ISG20: variants seen among roughly 807,000 people sequenced by gnomAD.
The protein encoded by ISG20 is interferon stimulated exonuclease gene 20.
A neutral mutation model predicts 11.1 loss-of-function variants in ISG20; 8 were observed. The ratio of observed to expected loss-of-function variants is 0.72; its 90% confidence interval spans 0.42 to 1.30. The LOEUF (loss-of-function observed/expected upper bound fraction) is 1.30. Ranked by LOEUF, ISG20 falls within the 50% of genes most tolerant of loss-of-function variation. ISG20 has a pLI of 0.01. For missense variants in ISG20, 243 were observed against 250.2 expected (o/e 0.97, Z 0.19); for synonymous variants, 110 against 101.7 (o/e 1.08, Z -0.49).
chr15:88,646,518 A>G (rs1019091461), intron 2 of ISG20, among the ~76,000 whole-genome samples: 2 of 152,218 alleles, frequency 1.3e-5, no homozygotes, highest in Admixed American at 1.3e-4. Flanking sequence ...AATGTGGCCC[A>G]GTAATGGTCA....
In ISG20 at chr15:88,655,519, T is replaced by C; in HGVS notation, c.534T>C (p.Ala178=). The change falls in exon 4 of 4, where the codon GCT becomes GCC. Residue 178 remains alanine, a synonymous_variant. Coordinates refer to ENST00000306072, the MANE Select transcript of ISG20 (RefSeq NM_002201.6). Reference sequence around the variant, plus strand: ...CCCGCCGAGGGCTGCCCCGCCTGGCTGTGTCAGACTGAAGCCCCATCCAGC... The same window carrying C: ...CCCGCCGAGGGCTGCCCCGCCTGGCCGTGTCAGACTGAAGCCCCATCCAGC... ...IRARRGLPRL[A]VSD The C allele has an allele frequency of 6.2e-7, 1 of 1,613,680 alleles. No homozygotes were observed.
intron 2 of ISG20, among the ~76,000 whole-genome samples, chr15:88,641,741 C>T (rs1266985020): frequency 6.6e-6 from 1 of 152,116 alleles, no homozygotes; most frequent in Non-Finnish European, 1.5e-5. Flanking sequence ...AAGTGATTCT[C>T]CTGCCTCAGC....
rs1379905856 is a variant in ISG20 at position 88,643,324 on chromosome 15, G to C, written c.228+3730G>C. 6.6e-6 allele frequency among the ~76,000 whole-genome samples: 1 copy of C among 152,128 alleles called. No individual in the cohort carries two copies. The highest frequency in any genetic ancestry group is 2.4e-5 in the African/African-American group (1 of 41,412). ...TTACCTGTTGAAATGATAGTATTTT[G>C]GATATGTTAGGTTAAATAAAACGTT... On this transcript the variant is annotated intron_variant, in intron 2 of 3. Transcript: ENST00000306072. This position sits in a 1 kb window ranked among gnomAD's most constrained non-coding sequence, Gnocchi z 4.4.
At chr15:88,635,949 C>CCACA (rs1467050702), upstream of ISG20, among the ~76,000 whole-genome samples, 22 of 152,158 alleles carry the variant, frequency 1.4e-4, no homozygotes, top group Non-Finnish European at 1.5e-5. Context: ...AGTTCAAGCC[C>CCACA]ATGTTGTTCA....
intron 2 of ISG20, chr15:88,651,825 C>T (rs2058279078): frequency 1.6e-5 from 21 of 1,276,770 alleles, no homozygotes; most frequent in African/African-American, 3.0e-5. Context: ...TTGAGGCACG[C>T]TTGGCACCTG....
upstream of ISG20, among the ~76,000 whole-genome samples, chr15:88,638,536 G>A (rs1401295784): frequency 2.6e-5 from 4 of 152,268 alleles, no homozygotes; most frequent in East Asian, 3.9e-4. Context: ...GGAAGTGGGG[G>A]CTAGCCACTC....
At chr15:88,651,394 C>A in intron 2 of ISG20, 1 of 662,398 alleles carries the variant, frequency 1.5e-6, no homozygotes, top group Non-Finnish European at 1.9e-6. Context: ...CAGCGTGGGT[C>A]TCACTGGTCT....
At position 88,639,255 on chromosome 15, in the gene ISG20, G is replaced by T; in HGVS notation, c.-24-88G>T. ...GGTGTCGGAAACAAAGGGCAGGGCG[G>T]AGGGTAAGGCCAGCTGGGGTTGGCT... is the stretch of plus-strand genomic sequence containing the variant. On this transcript the variant is annotated intron_variant, in intron 1 of 3. Transcript: ENST00000306072. The surrounding 1 kb of genome is among the most constrained non-coding windows in gnomAD (Gnocchi z 4.2). 1 of 763,598 alleles carries T rather than the reference G, an allele frequency of 1.3e-6. No homozygotes were observed. Among genetic ancestry groups the T allele is most frequent in the Admixed American group, 2.8e-5 (1 of 35,736 alleles). The allele number at this position is 763,598 out of a possible 1,614,324, so 47.3% of individuals were successfully genotyped here.
chr15:88,638,418 C>T (rs1399522074), upstream of ISG20, among the ~76,000 whole-genome samples: 4 of 152,210 alleles, frequency 2.6e-5, no homozygotes, highest in Admixed American at 6.5e-5. Flanking sequence ...GCCTGCTTCT[C>T]CTTCACCCTC....
chr15:88,651,403 C>A (rs2058271183), intron 2 of ISG20: 1 of 611,734 alleles, frequency 1.6e-6, no homozygotes. Flanking sequence ...TCTCACTGGT[C>A]TAAAATCAAA....
chr15:88,643,290 T>C lies in ISG20; in HGVS notation c.228+3696T>C, dbSNP rs8027775. 0.44 allele frequency among the ~76,000 whole-genome samples: 67,518 copies of C among 152,028 alleles called. 15,374 individuals carry two copies. The highest frequency in any genetic ancestry group is 0.48 in the Non-Finnish European group (32,800 of 67,954). On this transcript the variant is annotated intron_variant, in intron 2 of 3. Transcript: ENST00000306072. This position sits in a 1 kb window ranked among gnomAD's most constrained non-coding sequence, Gnocchi z 4.4. ...GAGCCATAAAATGTCTCAATAACTT[T>C]TATATTGATTACCTGTTGAAATGAT... is the stretch of plus-strand genomic sequence containing the variant.
intron 3 of ISG20, among the ~76,000 whole-genome samples, chr15:88,654,795 G>A (rs1348029868): frequency 6.6e-6 from 1 of 152,142 alleles, no homozygotes; most frequent in African/African-American, 2.4e-5. Flanking sequence ...TCCCTTGAAT[G>A]GACCGAGGGC....
At chr15:88,652,551 T>A (rs192797228) in intron 3 of ISG20, among the ~76,000 whole-genome samples, 2,281 of 10,282 alleles carry the variant, frequency 0.22, 560 homozygotes, top group Middle Eastern at 0.4. Context: ...CCCTTTGCCC[T>A]CCTCCCCTTC....
In ISG20 at chr15:88,639,461, A is replaced by T. The variant is rs558554632; in HGVS notation, c.95A>T (p.Asn32Ile). ...GGCCTGGCTCGTTGCAGCCTCGTGA[A>T]CGTCCACGGTGCTGTGCTGTACGAC... The part of the protein sequence containing the change: ...ESGLARCSLV[N>I]VHGAVLYDKF... Residue 32 changes from asparagine to isoleucine, a missense_variant, in exon 2 of 4, where the codon AAC becomes ATC. Asn to Ile is a moderately radical substitution (Grantham distance 149). Coordinates refer to ENST00000306072, the MANE Select transcript of ISG20 (RefSeq NM_002201.6). This position sits in a 1 kb window ranked among gnomAD's most constrained non-coding sequence, Gnocchi z 4.2. 1 of 1,614,140 alleles carries T rather than the reference A, an allele frequency of 6.2e-7. No individual in the cohort carries two copies. The highest frequency in any genetic ancestry group is 1.6e-4 in the Middle Eastern group (1 of 6,062).
At position 88,650,444 on chromosome 15, in the gene ISG20, T is replaced by C; in HGVS notation, c.229-1666T>C. On this transcript the variant is annotated intron_variant, in intron 2 of 3. Coordinates refer to ENST00000306072, the MANE Select transcript of ISG20 (RefSeq NM_002201.6). This position sits in a 1 kb window ranked among gnomAD's most constrained non-coding sequence, Gnocchi z 4.0. Reference sequence around the variant, plus strand: ...CAGTGGCAGGCGGGCTCTGGATTCATCCCACTGGCTTCAAGGCCTGGCTTT... The same window carrying C: ...CAGTGGCAGGCGGGCTCTGGATTCACCCCACTGGCTTCAAGGCCTGGCTTT... 6.8e-7 allele frequency: 1 copy of C among 1,468,158 alleles called. No homozygotes were observed. 90.9% of individuals were successfully genotyped at this position (1,468,158 alleles called of 1,614,324 possible).
At chr15:88,641,001 A>ATT (rs576359257) in intron 2 of ISG20, among the ~76,000 whole-genome samples, 2 of 148,024 alleles carry the variant, frequency 1.4e-5, no homozygotes, top group African/African-American at 5.0e-5. Context: ...TTTTATTATT[A>ATT]TTTTTTTTTT....
intron 2 of ISG20, among the ~76,000 whole-genome samples, chr15:88,645,883 C>T (rs1216240014): frequency 6.6e-6 from 1 of 152,236 alleles, no homozygotes; most frequent in Non-Finnish European, 1.5e-5. Flanking sequence ...ACAGCTCTTA[C>T]TATACACTTT....
At chr15:88,637,385 G>T (rs1361054597), upstream of ISG20, 1 of 148,678 alleles carries the variant, frequency 6.7e-6, no homozygotes. Context: ...TTCTTGAGCA[G>T]AGAAGTGCCT....
intron 2 of ISG20, among the ~76,000 whole-genome samples, chr15:88,644,951 G>A (rs180761083): frequency 2.1e-3 from 327 of 152,350 alleles, no homozygotes; most frequent in Non-Finnish European, 3.5e-3. Context: ...TTCCCTGGGC[G>A]CCCTTGAGCA....
Sources: allele counts gnomAD v4.1 joint callset (sites outside exome capture counted in the v4.1 genomes callset), GRCh38; gene constraint gnomAD v4.1.1; non-coding constraint Gnocchi (gnomAD v3.1); transcripts MANE v1.5; gene names NCBI Gene and HGNC (gene_info 2026-07-23, HGNC 2026-07-21).